ADRA1A: variants seen among roughly 807,000 people sequenced by gnomAD.
ADRA1A encodes the protein alpha-1A adrenergic receptor.
ADRA1A carries 31 observed loss-of-function variants against 29.6 expected under a neutral mutation model. The ratio of observed to expected loss-of-function variants is 1.05; its 90% CI spans 0.79 to 1.41. ADRA1A has a LOEUF of 1.41. Ranked by LOEUF, ADRA1A falls within the 40% of genes most tolerant of loss-of-function variation. The probability of loss-of-function intolerance (pLI) is 0.00; values close to 1 mark genes in which losing one functional copy is unlikely to be tolerated. For missense variants in ADRA1A, 619 were observed against 601.1 expected (o/e 1.03, Z -0.31); for synonymous variants, 311 against 254.3 (o/e 1.22, Z -2.12).
chr8:26,865,581 A>G lies in ADRA1A; in HGVS notation c.-612T>C. On this transcript the variant is annotated 5_prime_UTR_variant, in exon 2 of 3. Coordinates refer to ENST00000380573, the MANE Select transcript of ADRA1A (RefSeq NM_000680.4). The surrounding 1 kb of genome is among the most constrained non-coding windows in gnomAD (Gnocchi z 7.6). ...CCTGCTCTCTCCAGCTTCTAGGAGCACAGGTCAGGGGACGTAGGTGTGGAA... is the reference window on the plus strand; with the variant it reads ...CCTGCTCTCTCCAGCTTCTAGGAGCGCAGGTCAGGGGACGTAGGTGTGGAA... 3 of 989,072 alleles carry G rather than the reference A, an allele frequency of 3.0e-6. No homozygotes were observed. The highest frequency in any genetic ancestry group is 3.6e-6 in the Non-Finnish European group (3 of 832,480). 61.3% of individuals were successfully genotyped at this position (989,072 alleles called of 1,614,324 possible).
chr8:26,812,727 C>T (rs1001247288), intron 2 of ADRA1A, among the ~76,000 whole-genome samples: 6 of 151,658 alleles, frequency 4.0e-5, no homozygotes, highest in East Asian at 1.9e-4. Context: ...TGCAGTGGCG[C>T]GGTCTCGGCT....
downstream of ADRA1A, among the ~76,000 whole-genome samples, chr8:26,767,489 A>G (rs993194440): frequency 6.6e-6 from 1 of 152,196 alleles, no homozygotes; most frequent in African/African-American, 2.4e-5. Flanking sequence ...GCTATGGGAA[A>G]GGAAAAAAAT....
chr8:26,857,175 C>T (rs114355892), intron 2 of ADRA1A, among the ~76,000 whole-genome samples: 5,810 of 152,156 alleles, frequency 0.038, 339 homozygotes, highest in African/African-American at 0.13. Flanking sequence ...GGGAGAGCTG[C>T]CATGCTATAA....
intron 2 of ADRA1A, among the ~76,000 whole-genome samples, chr8:26,813,824 A>T (rs1229734106): frequency 6.6e-6 from 1 of 152,162 alleles, no homozygotes; most frequent in East Asian, 1.9e-4. Context: ...GCAATTTCAT[A>T]TGTAAATGTC....
intron 2 of ADRA1A, among the ~76,000 whole-genome samples, chr8:26,783,351 G>A (rs1030656920): frequency 6.6e-6 from 1 of 152,158 alleles, no homozygotes; most frequent in African/African-American, 2.4e-5. Context: ...CCTCCAGGAT[G>A]TGATCATTTG....
At position 26,797,347 on chromosome 8, in the gene ADRA1A, A is replaced by G. The variant is rs1172172051; in HGVS notation, c.884-26681T>C. Among the ~76,000 whole-genome samples the G allele has an allele frequency of 2.0e-5, 3 of 151,984 alleles. 1 individual carries two copies. Among genetic ancestry groups the G allele is most frequent in the Admixed American group, 2.0e-4 (3 of 15,230 alleles). On this transcript the variant is annotated intron_variant, in intron 2 of 2. Coordinates refer to ENST00000380573, the MANE Select transcript of ADRA1A (RefSeq NM_000680.4). ...CGTCTCGCTCTGTCGCCCAGGCTGG[A>G]ATGCAGTGGTGCGATCACAGTTCAC...
chr8:26,748,865 G>A (rs61759697), intron 2 of ADRA1A: 12,850 of 351,250 alleles, frequency 0.037, 375 homozygotes, highest in Middle Eastern at 0.071. Context: ...TGGCCAACAG[G>A]ATGACCTGGC....
chr8:26,828,470 C>T (rs1479036495), intron 2 of ADRA1A, among the ~76,000 whole-genome samples: 1 of 152,188 alleles, frequency 6.6e-6, no homozygotes, highest in Non-Finnish European at 1.5e-5. Context: ...AAGGATAATA[C>T]ATGAGTCCTT....
At chr8:26,809,189 T>G (rs549821602) in intron 2 of ADRA1A, among the ~76,000 whole-genome samples, 1 of 152,232 alleles carries the variant, frequency 6.6e-6, no homozygotes, top group Non-Finnish European at 1.5e-5. Context: ...CAAACTTTAC[T>G]GCCAAAGCTA....
chr8:26,749,119 C>G (rs180986091), intron 2 of ADRA1A, among the ~76,000 whole-genome samples: 4 of 152,346 alleles, frequency 2.6e-5, no homozygotes, highest in African/African-American at 9.6e-5. Flanking sequence ...TTGAAACACA[C>G]TCATGGCCCC....
At chr8:26,839,867 G>A (rs535696141) in intron 2 of ADRA1A, among the ~76,000 whole-genome samples, 3 of 152,238 alleles carry the variant, frequency 2.0e-5, no homozygotes, top group African/African-American at 2.4e-5. Flanking sequence ...AGAAGCTCTC[G>A]GAGGCAGGCT....
intron 2 of ADRA1A, among the ~76,000 whole-genome samples, chr8:26,798,987 C>T (rs1457063145): frequency 6.6e-6 from 1 of 152,122 alleles, no homozygotes; most frequent in Non-Finnish European, 1.5e-5. Context: ...TTCCAACAAT[C>T]CCTTACATGG....
In ADRA1A at chr8:26,769,189, C is replaced by T. The variant is rs912149095; in HGVS notation, c.*960G>A. 6.1e-6 allele frequency: 6 copies of T among 985,258 alleles called. No homozygotes were observed. The highest frequency in any genetic ancestry group is 1.7e-5 in the African/African-American group (1 of 57,226). 61.0% of individuals were successfully genotyped at this position (985,258 alleles called of 1,614,324 possible). A position where few individuals can be genotyped will look rare whatever the true frequency, so the allele number is the denominator to read the frequency against. The stretch of plus-strand genomic sequence containing the variant: ...AGCTCTGGATTTTCATAACAGAGTT[C>T]TGGAACAGGTAAGTGATTTGTCAAG... On this transcript the variant is annotated 3_prime_UTR_variant, in exon 3 of 3. Transcript: ENST00000380573.
chr8:26,765,981 A>G (rs1805756898), downstream of ADRA1A: 12 of 1,303,638 alleles, frequency 9.2e-6, no homozygotes, highest in South Asian at 1.3e-5. Context: ...GCGATGTCAC[A>G]TAATACATAG....
chr8:26,844,069 G>A (rs1327817854), intron 2 of ADRA1A, among the ~76,000 whole-genome samples: 1 of 152,122 alleles, frequency 6.6e-6, no homozygotes, highest in East Asian at 1.9e-4. Context: ...TATTAGATGT[G>A]TTTTGGAAAT....
chr8:26,766,230 G>A (rs554624631), downstream of ADRA1A: 1 of 988,828 alleles, frequency 1.0e-6, no homozygotes, highest in Admixed American at 1.7e-5. Context: ...TTTTTAAAAG[G>A]GATGTACTTC....
At chr8:26,793,619 T>G (rs973679681) in intron 2 of ADRA1A, among the ~76,000 whole-genome samples, 10 of 151,914 alleles carry the variant, frequency 6.6e-5, no homozygotes, top group African/African-American at 1.9e-4. Context: ...AGTATAATTG[T>G]CCATCAGTAA....
intron 2 of ADRA1A, among the ~76,000 whole-genome samples, chr8:26,780,459 G>A (rs775949463): frequency 2.0e-5 from 3 of 152,100 alleles, no homozygotes; most frequent in Non-Finnish European, 4.4e-5. Context: ...TCTTCACTCA[G>A]TGACCTCTCT....
downstream of ADRA1A, among the ~76,000 whole-genome samples, chr8:26,765,681 T>C (rs1473983890): frequency 6.6e-6 from 1 of 152,204 alleles, no homozygotes; most frequent in African/African-American, 2.4e-5. Context: ...CCTTGGAGAG[T>C]TTACCTCCCA....
Sources: allele counts gnomAD v4.1 joint callset (sites outside exome capture counted in the v4.1 genomes callset), GRCh38; gene constraint gnomAD v4.1.1; non-coding constraint Gnocchi (gnomAD v3.1); transcripts MANE v1.5; gene names NCBI Gene and HGNC (gene_info 2026-07-23, HGNC 2026-07-21).